The following CRPPA variants were observed in gnomAD, a reference collection of about 807,000 sequenced individuals.
CRPPA encodes D-ribitol-5-phosphate cytidylyltransferase.
In CRPPA, 43 loss-of-function variants were observed where a neutral mutation model predicts 52.0. That is an observed-to-expected ratio of 0.83 (90% CI 0.65 to 1.07). The LOEUF is 1.07. CRPPA is among the 50% of genes least tolerant of loss of function. CRPPA has a pLI of 0.00. For missense variants in CRPPA, 629 were observed against 551.7 expected (o/e 1.14, Z -1.40); for synonymous variants, 250 against 203.5 (o/e 1.23, Z -1.94).
chr7:16,342,782 A>AAAAAAAAAAAAAAATAT (rs1554335212), intron 3 of CRPPA, among the ~76,000 whole-genome samples: 35 of 76,520 alleles, frequency 4.6e-4, no homozygotes, highest in Admixed American at 8.1e-4. Context: ...AAAAAAAAAA[A>AAAAAAAAAAAAAAATAT]ATATATATAT....
intron 4 of CRPPA, among the ~76,000 whole-genome samples, chr7:16,306,563 T>C (rs1050274447): frequency 1.3e-5 from 2 of 152,152 alleles, no homozygotes; most frequent in Non-Finnish European, 1.5e-5. Flanking sequence ...GCTCAGAACA[T>C]GCAAAAGAGG....
intron 9 of CRPPA, among the ~76,000 whole-genome samples, chr7:16,115,468 G>A (rs1320292061): frequency 6.6e-6 from 1 of 152,090 alleles, no homozygotes; most frequent in Admixed American, 6.6e-5. Context: ...TGTAGAAATA[G>A]GTATAGAAGA....
At chr7:16,394,751 G>A (rs1228637639) in intron 2 of CRPPA, among the ~76,000 whole-genome samples, 4 of 152,230 alleles carry the variant, frequency 2.6e-5, no homozygotes, top group African/African-American at 9.6e-5. Flanking sequence ...AATATCAGAT[G>A]GGAAAGTTGT....
At chr7:16,357,387 C>T (rs1583545259) in intron 3 of CRPPA, among the ~76,000 whole-genome samples, 1 of 152,064 alleles carries the variant, frequency 6.6e-6, no homozygotes, top group South Asian at 2.1e-4. Context: ...CCATGTTGGC[C>T]AATCTGGTCT....
rs1783578141 is a variant in CRPPA, at chr7:16,254,800, A to AGAAAGAAAGAAAGAAAGAAAGAAG, written c.1119+3589_1119+3590insCTTCTTTCTTTCTTTCTTTCTTTC. Among the ~76,000 whole-genome samples the AGAAAGAAAGAAAGAAAGAAAGAAG allele has an allele frequency of 2.5e-5, 2 of 80,112 alleles. 1 individual carries two copies. The highest frequency in any genetic ancestry group is 7.1e-5 in the African/African-American group (2 of 28,340). The allele number at this position is 80,112 out of a possible 152,430, so 52.6% of individuals were successfully genotyped here. A position where few individuals can be genotyped will look rare whatever the true frequency, so the allele number is the denominator to read the frequency against. ...AAGAAAGAAAGAAAGAAGGAAAGAA[A>AGAAAGAAAGAAAGAAAGAAAGAAG]GAAAGAAAGAAAGAAAGAAAGAAAG... On this transcript the variant is annotated intron_variant, in intron 8 of 9. Transcript: ENST00000407010.
intron 3 of CRPPA, among the ~76,000 whole-genome samples, chr7:16,315,569 C>G (rs1785127501): frequency 6.6e-6 from 1 of 152,058 alleles, no homozygotes. Flanking sequence ...CTTTATAAGA[C>G]AATTTTTGAG....
intron 8 of CRPPA, among the ~76,000 whole-genome samples, chr7:16,254,483 C>T (rs1049396135): frequency 4.7e-4 from 72 of 151,982 alleles, no homozygotes; most frequent in Middle Eastern, 3.4e-3. Context: ...CAAACTATTG[C>T]AAGGACAGAA....
intron 5 of CRPPA, among the ~76,000 whole-genome samples, chr7:16,286,265 T>C (rs1562608903): frequency 6.6e-6 from 1 of 150,880 alleles, no homozygotes; most frequent in Non-Finnish European, 1.5e-5. Context: ...AATATTTAAC[T>C]AGGTAGAATG....
At position 16,386,933 on chromosome 7, in the gene CRPPA, T is replaced by C. The variant is rs576357639; in HGVS notation, c.535-10692A>G. Among the ~76,000 whole-genome samples, 3 of 151,546 alleles carry C rather than the reference T, an allele frequency of 2.0e-5. No homozygotes were observed. The East Asian group carries it at 5.8e-4, about 30-fold the overall frequency. ...TACTTGGAAGGGTGAGGCAGGAGAA[T>C]CACTTGAACCCAGGAAGCAGAGGTT... On this transcript the variant is annotated intron_variant, in intron 2 of 9. Transcript: ENST00000407010.
chr7:16,273,798 A>C (rs1214861826), intron 6 of CRPPA, among the ~76,000 whole-genome samples: 1 of 152,170 alleles, frequency 6.6e-6, no homozygotes, highest in Non-Finnish European at 1.5e-5. Flanking sequence ...TTCAGGGGTC[A>C]TGGATACCCT....
At chr7:16,381,784 G>T (rs561382283) in intron 2 of CRPPA, among the ~76,000 whole-genome samples, 1 of 151,772 alleles carries the variant, frequency 6.6e-6, no homozygotes, top group African/African-American at 2.4e-5. Context: ...TTGGTTTAAA[G>T]TCTGTTTTAT....
At chr7:16,184,733 A>G (rs186642032) in intron 9 of CRPPA, among the ~76,000 whole-genome samples, 95 of 152,292 alleles carry the variant, frequency 6.2e-4, no homozygotes, top group Non-Finnish European at 1.1e-3. Flanking sequence ...AGGCATTCTC[A>G]GTAATTTTAC....
chr7:16,139,292 ACAG>A (rs1327479946), intron 9 of CRPPA, among the ~76,000 whole-genome samples: 4 of 152,158 alleles, frequency 2.6e-5, no homozygotes, highest in Non-Finnish European at 2.9e-5. Flanking sequence ...TTTCCTTTGC[ACAG>A]CAGAGGTAAC....
intron 3 of CRPPA, among the ~76,000 whole-genome samples, chr7:16,347,082 A>C (rs1298336890): frequency 6.6e-6 from 1 of 152,128 alleles, no homozygotes; most frequent in South Asian, 2.1e-4. Context: ...ATCAGGCATA[A>C]TACTAGATGC....
At position 16,344,652 on chromosome 7, in the gene CRPPA, T is replaced by TA. The variant is rs369600036; in HGVS notation, c.684+31439dup. Among the ~76,000 whole-genome samples, 93 of 152,054 alleles carry TA rather than the reference T, an allele frequency of 6.1e-4. 1 individual carries two copies. The highest frequency in any genetic ancestry group is 2.2e-3 in the African/African-American group (90 of 41,474). On this transcript the variant is annotated intron_variant, in intron 3 of 9. Coordinates refer to ENST00000407010, the MANE Select transcript of CRPPA (RefSeq NM_001101426.4). ...TGCCTTATCAACTAGAAGATGTTAA[T>TA]AAAAAGGTATAAATTATTTGAAAAA...
intron 8 of CRPPA, among the ~76,000 whole-genome samples, chr7:16,238,425 A>G (rs1192728406): frequency 1.3e-5 from 2 of 152,206 alleles, no homozygotes; most frequent in African/African-American, 4.8e-5. Context: ...AAACAGTGTG[A>G]GCATTACTCA....
intron 8 of CRPPA, among the ~76,000 whole-genome samples, chr7:16,255,360 T>C (rs1247430418): frequency 1.3e-5 from 2 of 152,170 alleles, no homozygotes; most frequent in Non-Finnish European, 2.9e-5. Flanking sequence ...AAAATGGCCA[T>C]GCTGCCCAAA....
intron 3 of CRPPA, among the ~76,000 whole-genome samples, chr7:16,337,026 A>G (rs1056987132): frequency 6.6e-6 from 1 of 152,168 alleles, no homozygotes; most frequent in Non-Finnish European, 1.5e-5. Context: ...TTGCAATACT[A>G]TAATAGTAGG....
chr7:16,280,694 C>A (rs1036113589), intron 5 of CRPPA, among the ~76,000 whole-genome samples: 1 of 152,124 alleles, frequency 6.6e-6, no homozygotes, highest in East Asian at 1.9e-4. Flanking sequence ...TACCAACTTA[C>A]AAAAATGAAA....
Sources: allele counts gnomAD v4.1 joint callset (sites outside exome capture counted in the v4.1 genomes callset), GRCh38; gene constraint gnomAD v4.1.1; transcripts MANE v1.5; gene names NCBI Gene and HGNC (gene_info 2026-07-23, HGNC 2026-07-21).